The following CDADC1 variants were observed in gnomAD, a reference collection of about 807,000 sequenced individuals.
CDADC1 encodes dCTP deaminase.
Under a neutral mutation model 54.9 loss-of-function variants are expected in CDADC1, and 39 were observed. The ratio of observed to expected loss-of-function variants is 0.71; its 90% CI spans 0.55 to 0.93. The LOEUF is 0.93. Among genes scored for constraint, CDADC1 ranks in the 40% least tolerant of loss-of-function variants. The pLI is 0.00. For synonymous variants in CDADC1, 186 were observed against 204.0 expected, an observed-to-expected ratio of 0.91 and a Z score of 0.75; for missense variants, 518 against 618.8, an observed-to-expected ratio of 0.84 and a Z score of 1.73.
chr13:49,268,017 A>G lies in CDADC1; in HGVS notation c.958A>G (p.Arg320Gly). The change falls in exon 5 of 10, where the codon AGG becomes GGG. Residue 320 changes from arginine (R) to glycine (G), a missense_variant. Coordinates refer to ENST00000251108, the MANE Select transcript of CDADC1 (RefSeq NM_030911.4). ...HNQSLPQEIA[R>G]HCMVQARLLA... ...TCAAAGTTTGCCACAGGAAATTGCA[A>G]GGCACTGCATGGTTCAGGCCAGGTT... 1 of 1,613,756 alleles carries G rather than the reference A, an allele frequency of 6.2e-7. No homozygotes were observed. The highest frequency in any genetic ancestry group is 8.5e-7 in the Non-Finnish European group (1 of 1,180,020).
chr13:49,257,988 C>G (rs1040719943), intron 3 of CDADC1, among the ~76,000 whole-genome samples: 4 of 152,144 alleles, frequency 2.6e-5, no homozygotes, highest in African/African-American at 9.7e-5. Flanking sequence ...ATAGGTTTTT[C>G]ATATTTTATA....
Position 49,280,505 on chromosome 13 carries a change from G to A in CDADC1, c.1221-4G>A, listed in dbSNP as rs767283827. 5 of 1,374,802 alleles carry A rather than the reference G, an allele frequency of 3.6e-6. No homozygotes were observed. The East Asian group carries it at 1.3e-4, about 36-fold the overall frequency. 85.2% of individuals were successfully genotyped at this position (1,374,802 alleles called of 1,614,324 possible). A position where few individuals can be genotyped will look rare whatever the true frequency, so the allele number is the denominator to read the frequency against. ...TTTCTGATATTTTATAATTTTTTTTGTAGGTGTCAAGAAATAAAACCAGAA... is the reference window on the plus strand; with the variant it reads ...TTTCTGATATTTTATAATTTTTTTTATAGGTGTCAAGAAATAAAACCAGAA... On this transcript the variant is annotated splice_region_variant and splice_polypyrimidine_tract_variant and intron_variant, in intron 7 of 9. Transcript: ENST00000251108.
In CDADC1 at chr13:49,248,899, C is replaced by T. The variant is rs1356052163; in HGVS notation, c.111C>T (p.Asn37=). The part of the protein sequence containing the change: ...TGQIPRLSKV[N]LFTLLSLWME... ...AGATACCAAGGCTTTCTAAAGTCAA[C>T]CTTTTCACTCTGCTCAGCCTCTGGA... The change falls in exon 2 of 10, where the codon AAC becomes AAT. Residue 37 remains asparagine (N), a synonymous_variant. Coordinates refer to ENST00000251108, the MANE Select transcript of CDADC1 (RefSeq NM_030911.4). 4 of 1,611,868 alleles carry T rather than the reference C, an allele frequency of 2.5e-6. No individual in the cohort carries two copies. The highest frequency in any genetic ancestry group is 3.3e-5 in the Admixed American group (2 of 60,000).
chr13:49,282,485 A>C (rs1006025259), intron 8 of CDADC1, among the ~76,000 whole-genome samples: 7 of 152,220 alleles, frequency 4.6e-5, no homozygotes, highest in African/African-American at 1.7e-4. Flanking sequence ...CACTACAAAG[A>C]AATTTTTTCC....
At chr13:49,248,990 C>A (rs1407388443) in intron 2 of CDADC1, 25 bp downstream of exon 2, 2 of 1,470,306 alleles carry the variant, frequency 1.4e-6, no homozygotes, top group Non-Finnish European at 9.5e-7. Flanking sequence ...ATAGTTTTTC[C>A]CCTTAGAAAA....
At chr13:49,263,587 G>T (rs1336367789) in intron 4 of CDADC1, among the ~76,000 whole-genome samples, 2 of 152,118 alleles carry the variant, frequency 1.3e-5, no homozygotes, top group African/African-American at 4.8e-5. Flanking sequence ...TGCCAAAGAA[G>T]AATATTCACA....
intron 3 of CDADC1, among the ~76,000 whole-genome samples, chr13:49,258,563 G>A (rs550174479): frequency 6.6e-6 from 1 of 152,292 alleles, no homozygotes; most frequent in South Asian, 2.1e-4. Flanking sequence ...CACTGGAAGT[G>A]CTTAGAACCC....
At chr13:49,274,911 A>G (rs1399209562) in intron 6 of CDADC1, among the ~76,000 whole-genome samples, 1 of 152,186 alleles carries the variant, frequency 6.6e-6, no homozygotes, top group Non-Finnish European at 1.5e-5. Context: ...AAGTGTAATT[A>G]TAACTGATAT....
intron 9 of CDADC1, among the ~76,000 whole-genome samples, chr13:49,289,639 C>T (rs181507826): frequency 1.6e-3 from 251 of 152,328 alleles, no homozygotes; most frequent in African/African-American, 5.9e-3. Flanking sequence ...ACTAGAGCTA[C>T]ATTCTTCAAC....
At position 49,282,299 on chromosome 13, in the gene CDADC1, G is replaced by A. The variant is rs529653253; in HGVS notation, c.1410+1601G>A. The stretch of plus-strand genomic sequence containing the variant: ...AGACAGGGTCTCACTATCTCACCCA[G>A]GCTGGAGTGCAGTGGCGCCATCTTG... On this transcript the variant is annotated intron_variant, in intron 8 of 9. Transcript: ENST00000251108. Among the ~76,000 whole-genome samples the A allele has an allele frequency of 4.6e-5, 6 of 130,396 alleles. No individual in the cohort carries two copies. In the East Asian group the frequency reaches 1.5e-3, roughly 32 times the overall value. The allele number at this position is 130,396 out of a possible 152,430, so 85.5% of individuals were successfully genotyped here.
chr13:49,252,128 T>C (rs1287541315), intron 2 of CDADC1, among the ~76,000 whole-genome samples: 1 of 152,220 alleles, frequency 6.6e-6, no homozygotes, highest in Non-Finnish European at 1.5e-5. Context: ...CTTGGCTATA[T>C]GAAAGGTTAT....
At chr13:49,250,058 C>G (rs776295451) in intron 2 of CDADC1, among the ~76,000 whole-genome samples, 1 of 152,192 alleles carries the variant, frequency 6.6e-6, no homozygotes, top group Non-Finnish European at 1.5e-5. Context: ...CACATGGCTT[C>G]TCACCACTCT....
rs1261751066 is a variant in CDADC1 at position 49,292,154 on chromosome 13, CAGTT to C, written c.*401_*404del. 38 of 1,009,388 alleles carry C rather than the reference CAGTT, an allele frequency of 3.8e-5. No individual in the cohort carries two copies. Among genetic ancestry groups the C allele is most frequent in the Non-Finnish European group, 4.2e-5 (35 of 843,166 alleles). 62.5% of individuals were successfully genotyped at this position (1,009,388 alleles called of 1,614,324 possible). On this transcript the variant is annotated 3_prime_UTR_variant, in exon 10 of 10. Transcript: ENST00000251108. ...TAATTCTTTTGAATTACAAGAGTGA[CAGTT>C]AGTAAACTGCTCCAGGGAAATAAGT...
At chr13:49,283,272 A>G (rs1008200699) in intron 8 of CDADC1, among the ~76,000 whole-genome samples, 2 of 152,080 alleles carry the variant, frequency 1.3e-5, no homozygotes, top group African/African-American at 4.8e-5. Flanking sequence ...ATAAGTTTTT[A>G]CCATTTGTAA....
intron 2 of CDADC1, among the ~76,000 whole-genome samples, chr13:49,252,305 A>C (rs1952453531): frequency 6.6e-6 from 1 of 152,190 alleles, no homozygotes. Flanking sequence ...ACTCCAAGGC[A>C]CTTGGGGAGG....
In CDADC1 at chr13:49,292,376, AG is replaced by A. The variant is rs1229908865; in HGVS notation, c.*621del. 154 of 989,960 alleles carry A rather than the reference AG, an allele frequency of 1.6e-4. No individual in the cohort carries two copies. Among genetic ancestry groups the A allele is most frequent in the Non-Finnish European group, 1.8e-4 (150 of 832,516 alleles). 61.3% of individuals were successfully genotyped at this position (989,960 alleles called of 1,614,324 possible). On this transcript the variant is annotated 3_prime_UTR_variant, in exon 10 of 10. Transcript: ENST00000251108. ...TTTATCACAGACTTTGGGTAGCAAT[AG>A]GAAGAGAGTGTTATTCTGAGACAGT...
chr13:49,251,236 C>T (rs1444928901), intron 2 of CDADC1, among the ~76,000 whole-genome samples: 2 of 151,988 alleles, frequency 1.3e-5, no homozygotes, highest in African/African-American at 2.4e-5. Context: ...GGTGAAACCC[C>T]GTCTCTGCCA....
chr13:49,278,691 G>A (rs537438694), intron 7 of CDADC1, among the ~76,000 whole-genome samples, 172 bp downstream of exon 7: 1 of 152,256 alleles, frequency 6.6e-6, no homozygotes, highest in South Asian at 2.1e-4. Context: ...GCTATGACCT[G>A]ACCTGAGGTC....
Position 49,267,901 on chromosome 13 carries a change from T to G in CDADC1, c.842T>G (p.Leu281Arg). 1 of 1,614,174 alleles carries G rather than the reference T, an allele frequency of 6.2e-7. No homozygotes were observed. Among genetic ancestry groups the G allele is most frequent in the South Asian group, 1.1e-5 (1 of 91,078 alleles). The stretch of plus-strand genomic sequence containing the variant: ...AGGCAAAACATGAAAGACCTTATCC[T>G]ACTTTTGGCCACAGTAGCTTCCAGT... ...NLRQNMKDLI[L>R]LLATVASSVP... Residue 281 changes from leucine (L) to arginine (R), a missense_variant, in exon 5 of 10, where the codon CTA becomes CGA. Physicochemically the swap from Leu to Arg is moderately radical, Grantham distance 102. Coordinates refer to ENST00000251108, the MANE Select transcript of CDADC1 (RefSeq NM_030911.4).
Sources: gnomAD v4.1 joint callset for allele counts (sites outside exome capture counted in the v4.1 genomes callset) on GRCh38, gnomAD v4.1.1 for gene constraint, MANE v1.5 for transcripts, NCBI Gene and HGNC (gene_info 2026-07-23, HGNC 2026-07-21) for gene names.